Variants in HS3ST4 observed in about 807,000 individuals in gnomAD.
HS3ST4 encodes heparan sulfate-glucosamine 3-sulfotransferase 4.
In HS3ST4, 17 loss-of-function variants were observed where a neutral mutation model predicts 29.2. The ratio of observed to expected loss-of-function variants is 0.58; its 90% CI spans 0.40 to 0.87. The LOEUF (loss-of-function observed/expected upper bound fraction) is 0.87, where lower values mean the gene tolerates loss of function less well. Among genes scored for constraint, HS3ST4 ranks in the 40% least tolerant of loss-of-function variants. The probability of loss-of-function intolerance (pLI) is 0.00; values close to 1 mark genes in which losing one functional copy is unlikely to be tolerated. For missense variants in HS3ST4, 627 were observed against 634.5 expected (o/e 0.99, Z 0.13); for synonymous variants, 314 against 285.7 (o/e 1.10, Z -1.00).
chr16:25,724,865 T>C (rs886171466), intron 1 of HS3ST4, among the ~76,000 whole-genome samples: 3 of 152,062 alleles, frequency 2.0e-5, no homozygotes, highest in African/African-American at 7.2e-5. Context: ...TAGAAAGATA[T>C]TTGGTGGCTG....
intron 1 of HS3ST4, among the ~76,000 whole-genome samples, chr16:25,841,284 C>T (rs890279131): frequency 1.3e-5 from 2 of 151,548 alleles, no homozygotes; most frequent in South Asian, 4.2e-4. Context: ...GGATTACAGG[C>T]GTGAGCCACC....
intron 1 of HS3ST4, among the ~76,000 whole-genome samples, chr16:26,053,262 C>T (rs1156944507): frequency 6.6e-6 from 1 of 152,156 alleles, no homozygotes; most frequent in Non-Finnish European, 1.5e-5. Flanking sequence ...CTAGGGTCTC[C>T]AAATTTACAA....
Position 25,883,145 on chromosome 16 carries a change from A to AT in HS3ST4, c.734+190016dup, listed in dbSNP as rs10581302. Among the ~76,000 whole-genome samples, 383 of 142,008 alleles carry AT rather than the reference A, an allele frequency of 2.7e-3. 2 individuals are homozygous for AT. The highest frequency in any genetic ancestry group is 5.7e-3 in the African/African-American group (223 of 38,788). The allele number at this position is 142,008 out of a possible 152,430, so 93.2% of individuals were successfully genotyped here. On this transcript the variant is annotated intron_variant, in intron 1 of 1. Transcript: ENST00000331351. ...CTGCTGCTTCTCTCTGGCCCATACGATTTTTTTTTTTTTTTTTTTTTTCAG... is the reference window on the plus strand; with the variant it reads ...CTGCTGCTTCTCTCTGGCCCATACGATTTTTTTTTTTTTTTTTTTTTTTCAG...
chr16:25,955,352 G>T (rs1462043008), intron 1 of HS3ST4, among the ~76,000 whole-genome samples: 1 of 152,190 alleles, frequency 6.6e-6, no homozygotes, highest in Non-Finnish European at 1.5e-5. Flanking sequence ...AACCTCGTCA[G>T]TTGCTTTATA....
chr16:26,026,197 G>T (rs147798399), intron 1 of HS3ST4, among the ~76,000 whole-genome samples: 2 of 152,146 alleles, frequency 1.3e-5, no homozygotes, highest in African/African-American at 4.8e-5. Flanking sequence ...GTGAGCCACC[G>T]CACCCGGCCG....
At chr16:25,835,983 G>A (rs143760557) in intron 1 of HS3ST4, among the ~76,000 whole-genome samples, 179 of 152,268 alleles carry the variant, frequency 1.2e-3, no homozygotes, top group African/African-American at 4.2e-3. Flanking sequence ...GAAACCAAGG[G>A]CATTCCGGAG....
intron 1 of HS3ST4, among the ~76,000 whole-genome samples, chr16:26,130,714 A>G (rs1899406223): frequency 6.6e-6 from 1 of 152,218 alleles, no homozygotes; most frequent in Non-Finnish European, 1.5e-5. Flanking sequence ...AACACCTTTC[A>G]GTTTTGAGAG....
intron 1 of HS3ST4, among the ~76,000 whole-genome samples, chr16:25,724,656 T>C (rs1418457320): frequency 1.3e-5 from 2 of 151,848 alleles, no homozygotes; most frequent in Non-Finnish European, 2.9e-5. Context: ...GCCACTGCGC[T>C]CGGCCCCCTC....
intron 1 of HS3ST4, among the ~76,000 whole-genome samples, chr16:26,111,206 G>A (rs2141803338): frequency 6.6e-6 from 1 of 152,000 alleles, no homozygotes; most frequent in Middle Eastern, 3.4e-3. Flanking sequence ...AGCCTCCCGA[G>A]TAGCTGAGAC....
At chr16:25,895,541 C>G (rs975812357) in intron 1 of HS3ST4, among the ~76,000 whole-genome samples, 6 of 152,030 alleles carry the variant, frequency 3.9e-5, no homozygotes, top group Non-Finnish European at 8.8e-5. Context: ...GAGACTGTGG[C>G]TGTCTCGGTT....
intron 1 of HS3ST4, among the ~76,000 whole-genome samples, chr16:25,760,423 G>GTTTT (rs386384530): frequency 8.0e-4 from 112 of 139,444 alleles, no homozygotes; most frequent in African/African-American, 2.2e-3. Flanking sequence ...ATGACTCCAT[G>GTTTT]TTTTTTTTTT....
chr16:26,130,163 G>A (rs900087767), intron 1 of HS3ST4, among the ~76,000 whole-genome samples: 7 of 152,150 alleles, frequency 4.6e-5, no homozygotes, highest in Admixed American at 3.3e-4. Flanking sequence ...GTGATCTTGC[G>A]GAATGATTCT....
chr16:26,042,631 A>G (rs1291401870), intron 1 of HS3ST4, among the ~76,000 whole-genome samples: 1 of 152,208 alleles, frequency 6.6e-6, no homozygotes, highest in African/African-American at 2.4e-5. Context: ...GCTTTTTAAC[A>G]TGATCCAACT....
At chr16:26,023,173 T>C (rs190132617) in intron 1 of HS3ST4, among the ~76,000 whole-genome samples, 1 of 152,218 alleles carries the variant, frequency 6.6e-6, no homozygotes, top group African/African-American at 2.4e-5. Context: ...CGTAATGATT[T>C]TCATTGTTAA....
At chr16:25,773,012 T>C (rs1340008191) in intron 1 of HS3ST4, among the ~76,000 whole-genome samples, 1 of 152,136 alleles carries the variant, frequency 6.6e-6, no homozygotes, top group African/African-American at 2.4e-5. Context: ...GGAGTAAGTA[T>C]TCAGATTCTC....
chr16:25,763,265 G>T (rs1966799693), intron 1 of HS3ST4, among the ~76,000 whole-genome samples: 1 of 152,128 alleles, frequency 6.6e-6, no homozygotes, highest in South Asian at 2.1e-4. Flanking sequence ...GGCAACTTTT[G>T]ATTTCAATGG....
Position 25,702,822 on chromosome 16 carries a change from A to G in HS3ST4, c.734+9671A>G, listed in dbSNP as rs184081690. 3.9e-5 allele frequency among the ~76,000 whole-genome samples: 6 copies of G among 152,214 alleles called. 1 individual carries two copies. In the East Asian group the frequency reaches 1.2e-3, roughly 30 times the overall value. On this transcript the variant is annotated intron_variant, in intron 1 of 1. Transcript: ENST00000331351. The stretch of plus-strand genomic sequence containing the variant: ...TACACCCCCAATTCAGGGGTAGAAG[A>G]ACCATGCCCAAGGAGTGGATTAAGA...
chr16:25,873,424 A>ATTTGTCCATCCG, intron 1 of HS3ST4, among the ~76,000 whole-genome samples: 1 of 148,072 alleles, frequency 6.8e-6, no homozygotes. Flanking sequence ...CCACCCATCC[A>ATTTGTCCATCCG]TCCATTAATC....
At chr16:25,775,472 A>T (rs1457686432) in intron 1 of HS3ST4, among the ~76,000 whole-genome samples, 1 of 152,192 alleles carries the variant, frequency 6.6e-6, no homozygotes, top group African/African-American at 2.4e-5. Flanking sequence ...TGGCCCGTTA[A>T]GTACAAAGTG....
Sources: allele counts gnomAD v4.1 joint callset (sites outside exome capture counted in the v4.1 genomes callset), GRCh38; gene constraint gnomAD v4.1.1; transcripts MANE v1.5; gene names NCBI Gene and HGNC (gene_info 2026-07-23, HGNC 2026-07-21).